CFAP299: variants seen among roughly 807,000 people sequenced by gnomAD.
CFAP299 encodes the protein cilia- and flagella-associated protein 299.
In CFAP299, 21 loss-of-function variants were observed where a neutral mutation model predicts 27.0. The ratio of observed to expected loss-of-function variants is 0.78; its 90% CI spans 0.55 to 1.12. CFAP299 has a LOEUF of 1.12. Ranked by LOEUF, CFAP299 falls within the 50% of genes most tolerant of loss-of-function variation. The pLI, the probability that CFAP299 is intolerant of heterozygous loss-of-function variation, is 0.00. For synonymous variants in CFAP299, 104 were observed against 98.1 expected, an observed-to-expected ratio of 1.06 and a Z score of -0.36; for missense variants, 310 against 276.6, an observed-to-expected ratio of 1.12 and a Z score of -0.86.
At chr4:80,676,684 G>A (rs1225034658) in intron 3 of CFAP299, among the ~76,000 whole-genome samples, 1 of 151,940 alleles carries the variant, frequency 6.6e-6, no homozygotes, top group Non-Finnish European at 1.5e-5. Flanking sequence ...ATCTCGGTAG[G>A]TTTTATGTGT....
chr4:80,393,063 T>C (rs895808494), intron 2 of CFAP299, among the ~76,000 whole-genome samples: 2 of 152,172 alleles, frequency 1.3e-5, no homozygotes, highest in African/African-American at 4.8e-5. Flanking sequence ...ATATTGATGA[T>C]CCTGACCCTG....
At chr4:80,355,667 G>A (rs188748547) in intron 1 of CFAP299, among the ~76,000 whole-genome samples, 4 of 151,926 alleles carry the variant, frequency 2.6e-5, no homozygotes, top group Non-Finnish European at 2.9e-5. Flanking sequence ...GTAAGTTTAC[G>A]TTCCTTATAG....
intron 3 of CFAP299, among the ~76,000 whole-genome samples, chr4:80,598,465 A>ATGGC (rs1449378023): frequency 6.6e-6 from 1 of 152,224 alleles, no homozygotes; most frequent in African/African-American, 2.4e-5. Flanking sequence ...CATGCCCTTC[A>ATGGC]TTAACTACTA....
At chr4:80,376,116 G>A (rs182450173) in intron 2 of CFAP299, among the ~76,000 whole-genome samples, 2 of 152,264 alleles carry the variant, frequency 1.3e-5, no homozygotes, top group East Asian at 3.9e-4. Context: ...CCAGCCATAT[G>A]ATTTCTGTCC....
intron 3 of CFAP299, among the ~76,000 whole-genome samples, chr4:80,684,006 A>C (rs1038693306): frequency 1.3e-5 from 2 of 152,124 alleles, no homozygotes. Context: ...ATAGACTTCA[A>C]TTCTGTATAT....
intron 3 of CFAP299, among the ~76,000 whole-genome samples, chr4:80,684,107 A>G (rs1720019255): frequency 6.6e-6 from 1 of 152,182 alleles, no homozygotes; most frequent in Non-Finnish European, 1.5e-5. Flanking sequence ...ACAGTTGTCC[A>G]TATCTAAATT....
intron 2 of CFAP299, among the ~76,000 whole-genome samples, chr4:80,542,774 C>T (rs1734063260): frequency 6.6e-6 from 1 of 152,058 alleles, no homozygotes; most frequent in South Asian, 2.1e-4. Flanking sequence ...ACTACCATAC[C>T]ACTGGAGTGC....
chr4:80,626,391 GA>G (rs1238087325), intron 3 of CFAP299, among the ~76,000 whole-genome samples: 1 of 151,860 alleles, frequency 6.6e-6, no homozygotes, highest in East Asian at 1.9e-4. Flanking sequence ...GCAGTTCTAA[GA>G]AGGAAGCATG....
intron 3 of CFAP299, among the ~76,000 whole-genome samples, chr4:80,860,172 C>T (rs1459409224): frequency 6.6e-6 from 1 of 152,294 alleles, no homozygotes; most frequent in African/African-American, 2.4e-5. Context: ...CATCTTCCAT[C>T]GCTGATACCC....
At chr4:80,902,988 A>G (rs940932674) in intron 4 of CFAP299, among the ~76,000 whole-genome samples, 9 of 152,138 alleles carry the variant, frequency 5.9e-5, no homozygotes, top group African/African-American at 2.2e-4. Flanking sequence ...TTTCTTATAA[A>G]GTGTTACTAT....
At chr4:80,387,802 T>C in intron 2 of CFAP299, 1 of 1,581,554 alleles carries the variant, frequency 6.3e-7, no homozygotes, top group Non-Finnish European at 8.7e-7. Context: ...CTTGAGTTTC[T>C]GAGCCTTTGG....
chr4:80,710,012 C>T (rs1296870638), intron 3 of CFAP299, among the ~76,000 whole-genome samples: 2 of 151,992 alleles, frequency 1.3e-5, no homozygotes, highest in Non-Finnish European at 2.9e-5. Flanking sequence ...TATCTGTATG[C>T]CTCAATTTAT....
intron 4 of CFAP299, among the ~76,000 whole-genome samples, chr4:80,897,785 C>T (rs1734678700): frequency 6.6e-6 from 1 of 152,216 alleles, no homozygotes; most frequent in East Asian, 1.9e-4. Context: ...TGCCCTGTGT[C>T]TTTCCCCACA....
At chr4:80,366,439 G>A (rs1488291128) in intron 2 of CFAP299, among the ~76,000 whole-genome samples, 2 of 152,146 alleles carry the variant, frequency 1.3e-5, no homozygotes, top group Non-Finnish European at 2.9e-5. Flanking sequence ...GATTAGGGAT[G>A]TTCAAGAAGA....
intron 4 of CFAP299, among the ~76,000 whole-genome samples, chr4:80,926,447 C>A (rs370833881): frequency 7.9e-5 from 12 of 151,980 alleles, no homozygotes; most frequent in East Asian, 7.8e-4. Flanking sequence ...GATTGTGAAG[C>A]TATTGTATTA....
intron 2 of CFAP299, among the ~76,000 whole-genome samples, chr4:80,522,034 C>T (rs1450059507): frequency 6.6e-6 from 1 of 151,898 alleles, no homozygotes; most frequent in East Asian, 1.9e-4. Flanking sequence ...TTTTGAGAAA[C>T]CTCCATACTG....
chr4:80,636,436 A>G (rs947012827), intron 3 of CFAP299, among the ~76,000 whole-genome samples: 3 of 152,220 alleles, frequency 2.0e-5, no homozygotes, highest in Non-Finnish European at 4.4e-5. Flanking sequence ...AAAAAATCTT[A>G]CAAGTGTTAG....
intron 3 of CFAP299, among the ~76,000 whole-genome samples, chr4:80,719,296 T>A (rs1479030776): frequency 6.6e-6 from 1 of 152,088 alleles, no homozygotes; most frequent in Non-Finnish European, 1.5e-5. Flanking sequence ...AAAATAATAT[T>A]TAAAATAAAC....
intron 3 of CFAP299, among the ~76,000 whole-genome samples, chr4:80,660,414 A>T (rs1180867769): frequency 6.6e-6 from 1 of 152,184 alleles, no homozygotes; most frequent in African/African-American, 2.4e-5. Context: ...AGGTGAAAAT[A>T]AAATGTGAAG....
Sources: allele counts gnomAD v4.1 joint callset (sites outside exome capture counted in the v4.1 genomes callset), GRCh38; gene constraint gnomAD v4.1.1; transcripts MANE v1.5; gene names NCBI Gene and HGNC (gene_info 2026-07-23, HGNC 2026-07-21).